The following HYDIN variants were observed in gnomAD, a reference collection of about 807,000 sequenced individuals.
HYDIN encodes axonemal central pair apparatus protein HYDIN.
HYDIN carries 132 observed loss-of-function variants against 403.9 expected under a neutral mutation model. The observed-to-expected ratio is 0.33, with a 90% CI of 0.28 to 0.38. The LOEUF (loss-of-function observed/expected upper bound fraction) is 0.38, where lower values mean the gene tolerates loss of function less well. Ranked by LOEUF, HYDIN falls within the 10% of genes least tolerant of loss-of-function variation. The pLI is 1.00. For missense variants in HYDIN, 2,827 were observed against 5,009.5 expected (o/e 0.56, Z 13.15); for synonymous variants, 1,202 against 1,891.7 (o/e 0.64, Z 9.46).
rs763066297 is a variant in HYDIN, at chr16:70,874,905, C to G, written c.10572G>C (p.Leu3524=). ...GGGAGAAGACTCCTAGCTCATCCTG[C>G]AGGTCAACATGCAGCTGGCAGAAGG... ...GVLPAQLHVD[L]QDELGVFSLK... Residue 3524 remains leucine (L), a synonymous_variant, in exon 63 of 86, where the codon CTG becomes CTC. Transcript: ENST00000393567. The G allele has an allele frequency of 6.2e-7, 1 of 1,604,774 alleles. No homozygotes were observed. The highest frequency in any genetic ancestry group is 1.3e-5 in the African/African-American group (1 of 74,562).
At chr16:71,001,940 C>A (rs1198084687) in intron 23 of HYDIN, among the ~76,000 whole-genome samples, 3 of 152,230 alleles carry the variant, frequency 2.0e-5, no homozygotes, top group Non-Finnish European at 1.5e-5. Context: ...TTTTAATTTT[C>A]ATTTACAAGA....
chr16:70,933,198 T>G (rs374728093), intron 45 of HYDIN, among the ~76,000 whole-genome samples: 21 of 152,204 alleles, frequency 1.4e-4, no homozygotes, highest in African/African-American at 4.8e-4. Flanking sequence ...AGCCCTAGTC[T>G]GGGACGGGCT....
At chr16:70,869,827 A>C (rs1384741407) in intron 65 of HYDIN, among the ~76,000 whole-genome samples, 1 of 152,202 alleles carries the variant, frequency 6.6e-6, no homozygotes. Context: ...TGACTTTGGA[A>C]CTGGGTAACA....
Position 70,860,709 on chromosome 16 carries a change from G to T in HYDIN, c.11970C>A (p.Gly3990=), listed in dbSNP as rs1257150377. ...NTRVIEFTTV[G]IGGKNLRTFT... is the part of the protein sequence containing the mutation. Reference sequence around the variant, plus strand: ...CTCACCGGAGATTCTTCCCTCCTATGCCCACAGTGGTGAACTCAATCACCC... The same window carrying T: ...CTCACCGGAGATTCTTCCCTCCTATTCCCACAGTGGTGAACTCAATCACCC... The change falls in exon 70 of 86, where the codon GGC becomes GGA. Residue 3990 remains glycine, a synonymous_variant. Transcript: ENST00000393567. 7.3e-6 allele frequency: 4 copies of T among 546,214 alleles called. No homozygotes were observed. Among genetic ancestry groups the T allele is most frequent in the Non-Finnish European group, 1.3e-5 (4 of 319,666 alleles). 33.8% of individuals were successfully genotyped at this position (546,214 alleles called of 1,614,324 possible).
At chr16:71,230,467 C>G in intron 1 of HYDIN, 95 bp downstream of exon 1, 1 of 1,392,092 alleles carries the variant, frequency 7.2e-7, no homozygotes, top group South Asian at 1.5e-5. Flanking sequence ...ACGCCTGGGA[C>G]GCAGGGCGAG....
intron 84 of HYDIN, among the ~76,000 whole-genome samples, chr16:70,814,873 AT>A (rs1055466196): frequency 2.0e-5 from 3 of 151,888 alleles, no homozygotes; most frequent in African/African-American, 7.3e-5. Context: ...AACATAAGCA[AT>A]GGAAAAGGAG....
intron 36 of HYDIN, among the ~76,000 whole-genome samples, chr16:70,965,492 AT>A (rs2078544962): frequency 6.6e-6 from 1 of 152,000 alleles, no homozygotes; most frequent in Non-Finnish European, 1.5e-5. Context: ...ATACTAAAAA[AT>A]ATTTGTTATT....
At chr16:70,896,554 C>T (rs1465252081) in intron 53 of HYDIN, among the ~76,000 whole-genome samples, 1 of 151,584 alleles carries the variant, frequency 6.6e-6, no homozygotes, top group African/African-American at 2.4e-5. Context: ...TGGGGTTTCA[C>T]CATGTTGCCT....
At chr16:71,066,487 A>G (rs941809417) in intron 15 of HYDIN, 1 of 161,094 alleles carries the variant, frequency 6.2e-6, no homozygotes, top group Non-Finnish European at 1.4e-5. Context: ...TTGACATATT[A>G]GCATGATTAT....
At chr16:70,833,822 C>G in intron 79 of HYDIN, 65 bp downstream of exon 79, 1 of 1,120,860 alleles carries the variant, frequency 8.9e-7, no homozygotes, top group Non-Finnish European at 1.3e-6. Flanking sequence ...CAGAACAAGT[C>G]CAGGGCAGAT....
At chr16:70,872,343 AATCT>A (rs1002688790) in intron 64 of HYDIN, among the ~76,000 whole-genome samples, 164 bp from the exon 65 acceptor site, 6 of 145,012 alleles carry the variant, frequency 4.1e-5, no homozygotes, top group African/African-American at 1.6e-4. Context: ...ATCCTCAAGG[AATCT>A]ATCTATCCAC....
At chr16:71,048,012 C>T (rs1597637867) in intron 18 of HYDIN, among the ~76,000 whole-genome samples, 1 of 144,936 alleles carries the variant, frequency 6.9e-6, no homozygotes, top group African/African-American at 2.5e-5. Flanking sequence ...CCTTCTTATC[C>T]TCTGTGGCCA....
chr16:71,218,249 G>A (rs1324677551), intron 1 of HYDIN, among the ~76,000 whole-genome samples: 1 of 152,132 alleles, frequency 6.6e-6, no homozygotes, highest in Non-Finnish European at 1.5e-5. Flanking sequence ...TCCCAATGTG[G>A]TAAGAATAAG....
chr16:71,205,044 A>C (rs2088221652), intron 1 of HYDIN, among the ~76,000 whole-genome samples: 1 of 152,252 alleles, frequency 6.6e-6, no homozygotes, highest in Non-Finnish European at 1.5e-5. Context: ...AGAACACCAT[A>C]GTCACTTTTG....
rs1196287029 is a variant in HYDIN, at chr16:70,807,752, G to C, written c.15194C>G (p.Ala5065Gly). 4 of 1,614,066 alleles carry C rather than the reference G, an allele frequency of 2.5e-6. No homozygotes were observed. The African/African-American group carries it at 5.3e-5, about 22-fold the overall frequency. The stretch of plus-strand genomic sequence containing the variant: ...CTTCTTGGGCCGCACAGACTCTCCA[G>C]CGCGAATGGTGAAGGCTGGGTTATC... Reference protein sequence around the residue: ...IVDNPAFTIRAGESVRPKKIN... With the variant: ...IVDNPAFTIRGGESVRPKKIN... The change falls in exon 86 of 86, where the codon GCT becomes GGT. Residue 5065 changes from alanine to glycine, a missense_variant. Physicochemically the swap from Ala to Gly is moderately conservative, Grantham distance 60 (BLOSUM62 0). Transcript: ENST00000393567.
At chr16:70,882,446 C>T (rs534583437) in intron 60 of HYDIN, among the ~76,000 whole-genome samples, 135 of 152,378 alleles carry the variant, frequency 8.9e-4, no homozygotes, top group South Asian at 6.2e-3. Flanking sequence ...CTCGTCCATG[C>T]GTACTTATCA....
chr16:71,027,160 G>C (rs1665459935), intron 20 of HYDIN: 10 of 1,040,676 alleles, frequency 9.6e-6, no homozygotes, highest in Non-Finnish European at 1.2e-5. Context: ...AAGATGTTTT[G>C]AAATGTGAGT....
chr16:71,130,482 T>G (rs1278026020), intron 8 of HYDIN, among the ~76,000 whole-genome samples: 11 of 135,816 alleles, frequency 8.1e-5, no homozygotes, highest in African/African-American at 2.0e-4. Context: ...TTTTTTTTTT[T>G]TTTTTTTTTT....
intron 28 of HYDIN, 119 bp downstream of exon 28, chr16:70,985,066 G>C: frequency 1.1e-6 from 1 of 937,986 alleles, no homozygotes; most frequent in Non-Finnish European, 1.5e-6. Flanking sequence ...CTGCTTCCGA[G>C]AGTTCTTTAG....
Sources: gnomAD v4.1 joint callset for allele counts (sites outside exome capture counted in the v4.1 genomes callset) on GRCh38, gnomAD v4.1.1 for gene constraint, MANE v1.5 for transcripts, NCBI Gene and HGNC (gene_info 2026-07-23, HGNC 2026-07-21) for gene names.